FANCM: variants seen among roughly 807,000 people sequenced by gnomAD.
The protein encoded by FANCM is Fanconi anemia group M protein.
Under a neutral mutation model 199.5 loss-of-function variants are expected in FANCM, and 140 were observed. The observed-to-expected ratio is 0.70, with a 90% CI of 0.61 to 0.81. The LOEUF is 0.81. Ranked by LOEUF, FANCM falls within the 30% of genes least tolerant of loss-of-function variation. The pLI is 0.00. For synonymous variants in FANCM, 840 were observed against 836.8 expected, an observed-to-expected ratio of 1.00 and a Z score of -0.07; for missense variants, 2,410 against 2,421.4, an observed-to-expected ratio of 1.00 and a Z score of 0.10.
chr14:45,176,761 T>A lies in FANCM; in HGVS notation c.4007T>A (p.Val1336Asp), dbSNP rs2139253003. ...TTTTCTTTACCAGTGCAAAAAAAAG[T>A]TATGAGTACACCACTCTCTAAATCA... ...SQFSLPVQKKVMSTPLSKSNT... is the reference protein window; with the variant it reads ...SQFSLPVQKKDMSTPLSKSNT... Residue 1336 changes from valine to aspartate, a missense_variant, in exon 14 of 23, where the codon GTT (valine) becomes GAT (aspartate). Transcript: ENST00000267430. 1 of 1,612,590 alleles carries A rather than the reference T, an allele frequency of 6.2e-7. No homozygotes were observed.
chr14:45,150,549 A>G (rs746235685), intron 4 of FANCM, among the ~76,000 whole-genome samples: 10 of 152,142 alleles, frequency 6.6e-5, no homozygotes, highest in Non-Finnish European at 1.0e-4. Flanking sequence ...TGTGCCATTA[A>G]GCTCATTTCC....
At chr14:45,161,385 A>T (rs1887596181) in intron 9 of FANCM, among the ~76,000 whole-genome samples, 2 of 152,156 alleles carry the variant, frequency 1.3e-5, no homozygotes. Flanking sequence ...TTAGGGCCCT[A>T]TATGTCATTT....
chr14:45,163,485 T>G lies in FANCM; in HGVS notation c.1582-874T>G, dbSNP rs139947790. Among the ~76,000 whole-genome samples the G allele has an allele frequency of 9.5e-3, 1,447 of 152,348 alleles. 26 individuals carry two copies. The highest frequency in any genetic ancestry group is 0.031 in the African/African-American group (1,275 of 41,566). On this transcript the variant is annotated intron_variant, in intron 9 of 22. Transcript: ENST00000267430. ...TGGAGAAACTGAGGCTCAGAGCAGT[T>G]GAGAACTAAGTTTATAAGGCTTAAG...
intron 11 of FANCM, among the ~76,000 whole-genome samples, chr14:45,169,256 G>A (rs935351894): frequency 1.3e-5 from 2 of 151,952 alleles, no homozygotes; most frequent in Admixed American, 1.3e-4. Flanking sequence ...GGGGGTACCT[G>A]CCTATTTCGA....
intron 6 of FANCM, among the ~76,000 whole-genome samples, chr14:45,154,446 A>C (rs1002049330): frequency 6.6e-6 from 1 of 152,094 alleles, no homozygotes; most frequent in Middle Eastern, 3.4e-3. Flanking sequence ...ATTACTTAAA[A>C]ATGATTTATT....
chr14:45,150,798 T>G (rs1886764501), intron 4 of FANCM, among the ~76,000 whole-genome samples: 1 of 152,248 alleles, frequency 6.6e-6, no homozygotes, highest in Non-Finnish European at 1.5e-5. Context: ...TTTGTTCGCT[T>G]CTTTATTCTT....
At chr14:45,167,821 G>A (rs1384760961) in intron 11 of FANCM, among the ~76,000 whole-genome samples, 1 of 152,118 alleles carries the variant, frequency 6.6e-6, no homozygotes, top group Non-Finnish European at 1.5e-5. Context: ...GGAACCTTGG[G>A]AGTCATGTGG....
chr14:45,139,283 AT>A (rs1885745624), intron 2 of FANCM, among the ~76,000 whole-genome samples: 1 of 152,206 alleles, frequency 6.6e-6, no homozygotes, highest in Non-Finnish European at 1.5e-5. Flanking sequence ...TCTGTACCAT[AT>A]TTTTAAAAGC....
chr14:45,161,427 C>T (rs1285875252), intron 9 of FANCM, among the ~76,000 whole-genome samples: 2 of 151,826 alleles, frequency 1.3e-5, no homozygotes, highest in African/African-American at 2.4e-5. Context: ...TTACTCTGAC[C>T]GAGATGAGAA....
At chr14:45,159,743 G>C (rs1310894605) in intron 9 of FANCM, among the ~76,000 whole-genome samples, 2 of 151,962 alleles carry the variant, frequency 1.3e-5, no homozygotes, top group South Asian at 2.1e-4. Context: ...TTTAGAAGTG[G>C]GGTCAGAAGA....
intron 2 of FANCM, among the ~76,000 whole-genome samples, chr14:45,138,903 C>T (rs562813725): frequency 1.2e-4 from 19 of 152,244 alleles, no homozygotes; most frequent in Non-Finnish European, 1.9e-4. Context: ...GAGAATTCTT[C>T]GTGAAAAGAA....
rs1282418362 is a variant in FANCM at position 45,151,499 on chromosome 14, T to C, written c.1021T>C (p.Phe341Leu). 3 of 1,612,780 alleles carry C rather than the reference T, an allele frequency of 1.9e-6. No homozygotes were observed. In the East Asian group the frequency reaches 6.7e-5, roughly 36 times the overall value. Residue 341 changes from phenylalanine (F) to leucine (L), a missense_variant, in exon 5 of 23, where the codon TTT becomes CTT. Phe to Leu is a conservative substitution (Grantham distance 22, BLOSUM62 0). Coordinates refer to ENST00000267430, the MANE Select transcript of FANCM (RefSeq NM_020937.4). ...TCAGATAATTCTGGCAAGAGATCAG[T>C]TTAGGAAAAACCCATCTCCGAATAT... ...KYQIILARDQ[F>L]RKNPSPNIVG... is the part of the protein sequence containing the mutation.
chr14:45,176,608 A>G lies in FANCM; in HGVS notation c.3854A>G (p.His1285Arg), dbSNP rs749696321. The G allele has an allele frequency of 9.3e-6, 15 of 1,609,996 alleles. No homozygotes were observed. The highest frequency in any genetic ancestry group is 1.3e-5 in the African/African-American group (1 of 74,728). The change falls in exon 14 of 23, where the codon CAT becomes CGT. Residue 1285 changes from histidine (H) to arginine (R), a missense_variant. By Grantham distance (29) the His-to-Arg change is conservative. Transcript: ENST00000267430. ...VSNQALIPRD[H>R]SKNFTSGTVI... ...AATCAAGCACTAATACCAAGAGATCATAGTAAAAATTTTACTAGTGGAACT... is the reference window on the plus strand; with the variant it reads ...AATCAAGCACTAATACCAAGAGATCGTAGTAAAAATTTTACTAGTGGAACT...
In FANCM at chr14:45,137,177, C is replaced by T. The variant is rs1885580334; in HGVS notation, c.617C>T (p.Ala206Val). Reference protein sequence around the residue: ...NDLSRGACPAAEIKCLVIDEA... With the variant: ...NDLSRGACPAVEIKCLVIDEA... ...CTTTCTAGAGGAGCTTGTCCCGCTG[C>T]TGAAATAAAGTGTTTAGTTATTGAT... is the stretch of plus-strand genomic sequence containing the variant. The change falls in exon 2 of 23, where the codon GCT becomes GTT. Residue 206 changes from alanine to valine, a missense_variant. By Grantham distance (64) the Ala-to-Val change is moderately conservative. Coordinates refer to ENST00000267430, the MANE Select transcript of FANCM (RefSeq NM_020937.4). The T allele has an allele frequency of 6.2e-6, 10 of 1,613,774 alleles. No individual in the cohort carries two copies. The highest frequency in any genetic ancestry group is 7.6e-6 in the Non-Finnish European group (9 of 1,179,920).
chr14:45,177,984 G>T (rs1888822281), intron 14 of FANCM, among the ~76,000 whole-genome samples: 1 of 152,162 alleles, frequency 6.6e-6, no homozygotes, highest in Non-Finnish European at 1.5e-5. Context: ...ATGATATAGT[G>T]ATAGATGTTT....
chr14:45,192,220 T>C (rs1889807823), intron 20 of FANCM, among the ~76,000 whole-genome samples: 1 of 152,196 alleles, frequency 6.6e-6, no homozygotes, highest in Admixed American at 6.5e-5. Context: ...AATCATGTTT[T>C]CTTGAAACAA....
intron 13 of FANCM, 127 bp downstream of exon 13, chr14:45,173,337 T>G: frequency 2.4e-6 from 2 of 826,216 alleles, no homozygotes; most frequent in South Asian, 1.5e-5. Flanking sequence ...GTGATCTCAG[T>G]AAAGAATGAG....
At chr14:45,154,916 T>A in intron 7 of FANCM, 94 bp downstream of exon 7, 1 of 909,972 alleles carries the variant, frequency 1.1e-6, no homozygotes, top group Non-Finnish European at 1.8e-6. Context: ...TGTCTACAAT[T>A]ATTTATATTT....
At chr14:45,146,960 C>G (rs922072288) in intron 3 of FANCM, among the ~76,000 whole-genome samples, 9 of 150,932 alleles carry the variant, frequency 6.0e-5, no homozygotes, top group African/African-American at 2.2e-4. Context: ...CATTCTTTTG[C>G]GTATTGATTA....
Sources: gnomAD v4.1 joint callset for allele counts (sites outside exome capture counted in the v4.1 genomes callset) on GRCh38, gnomAD v4.1.1 for gene constraint, MANE v1.5 for transcripts, NCBI Gene and HGNC (gene_info 2026-07-23, HGNC 2026-07-21) for gene names.